CSMD1: variants seen among roughly 807,000 people sequenced by gnomAD.
CSMD1 encodes CUB and Sushi multiple domains 1, also known as CUB and sushi domain-containing protein 1.
In CSMD1, 213 loss-of-function variants were observed where a neutral mutation model predicts 417.5. The observed-to-expected ratio is 0.51, with a 90% confidence interval of 0.46 to 0.57. The LOEUF (loss-of-function observed/expected upper bound fraction) is 0.57, where lower values mean the gene tolerates loss of function less well. Ranked by LOEUF, CSMD1 falls within the 20% of genes least tolerant of loss-of-function variation. The pLI, the probability that CSMD1 is intolerant of heterozygous loss-of-function variation, is 0.00. For synonymous variants in CSMD1, 2,862 were observed against 1,736.8 expected (o/e 1.65, Z -16.11); for missense variants, 6,923 against 4,529.7 (o/e 1.53, Z -15.17).
intron 52 of CSMD1, among the ~76,000 whole-genome samples, chr8:3,013,817 T>C (rs764323683): frequency 1.3e-5 from 2 of 151,568 alleles, no homozygotes; most frequent in African/African-American, 4.9e-5. Flanking sequence ...CACAAATGCA[T>C]AGCAATTCCT....
At chr8:3,141,687 C>T (rs1052530613) in intron 41 of CSMD1, among the ~76,000 whole-genome samples, 1 of 152,152 alleles carries the variant, frequency 6.6e-6, no homozygotes, top group African/African-American at 2.4e-5. Context: ...GTTCTGCCAT[C>T]GCACTCGGGA....
chr8:4,340,322 A>C (rs1404711625), intron 3 of CSMD1, among the ~76,000 whole-genome samples: 9 of 152,040 alleles, frequency 5.9e-5, no homozygotes, highest in Admixed American at 5.9e-4. Context: ...CCAAACCCTT[A>C]CATTGGCTGG....
At chr8:4,597,459 T>C (rs151233079) in intron 2 of CSMD1, among the ~76,000 whole-genome samples, 178 of 152,290 alleles carry the variant, frequency 1.2e-3, no homozygotes, top group African/African-American at 4.1e-3. Context: ...ATGCTTTGAA[T>C]TGAGTTTCAT....
At chr8:4,519,299 A>C (rs916664942) in intron 2 of CSMD1, among the ~76,000 whole-genome samples, 1 of 152,198 alleles carries the variant, frequency 6.6e-6, no homozygotes, top group Non-Finnish European at 1.5e-5. Context: ...TAAATGGAAG[A>C]GTACCTAAAT....
intron 10 of CSMD1, among the ~76,000 whole-genome samples, chr8:3,511,537 T>C (rs1425961118): frequency 6.6e-5 from 10 of 151,526 alleles, no homozygotes; most frequent in African/African-American, 2.2e-4. Flanking sequence ...GGTAGATCAC[T>C]TGAGGTCAGG....
intron 5 of CSMD1, among the ~76,000 whole-genome samples, chr8:3,893,075 A>T (rs1056219889): frequency 2.6e-4 from 39 of 152,074 alleles, no homozygotes; most frequent in African/African-American, 9.4e-4. Flanking sequence ...TGCTGGAGAA[A>T]TGCTGGAATT....
chr8:4,697,494 T>A (rs1314089079), intron 1 of CSMD1, among the ~76,000 whole-genome samples: 2 of 152,192 alleles, frequency 1.3e-5, no homozygotes, highest in African/African-American at 4.8e-5. Context: ...AACATATTCC[T>A]TTGGCTTTAG....
At chr8:3,884,230 T>C (rs1008439914) in intron 5 of CSMD1, among the ~76,000 whole-genome samples, 5 of 152,222 alleles carry the variant, frequency 3.3e-5, no homozygotes, top group Non-Finnish European at 7.3e-5. Flanking sequence ...TCCATTATCC[T>C]TTGATACGCC....
intron 4 of CSMD1, among the ~76,000 whole-genome samples, chr8:4,019,764 T>C (rs1796698054): frequency 6.6e-6 from 1 of 152,146 alleles, no homozygotes; most frequent in Non-Finnish European, 1.5e-5. Flanking sequence ...AATATTTCTG[T>C]CCAAGTGGTG....
At chr8:4,713,825 T>C (rs1808469939) in intron 1 of CSMD1, among the ~76,000 whole-genome samples, 1 of 152,130 alleles carries the variant, frequency 6.6e-6, no homozygotes, top group Non-Finnish European at 1.5e-5. Context: ...CATGCTTTCT[T>C]CTGTCCTTTT....
chr8:3,529,974 CAT>C (rs1184659241), intron 10 of CSMD1, among the ~76,000 whole-genome samples: 3 of 152,058 alleles, frequency 2.0e-5, no homozygotes, highest in African/African-American at 4.8e-5. Flanking sequence ...AATGATGTGC[CAT>C]ATGTCATTTT....
chr8:3,468,668 T>A, intron 12 of CSMD1, 44 bp downstream of exon 12: 1 of 1,282,628 alleles, frequency 7.8e-7, no homozygotes, highest in Non-Finnish European at 1.1e-6. Context: ...TGCCCTCTCT[T>A]GGAATGCTAA....
intron 10 of CSMD1, among the ~76,000 whole-genome samples, chr8:3,528,769 A>G (rs528808958): frequency 6.6e-6 from 1 of 152,352 alleles, no homozygotes; most frequent in Admixed American, 6.5e-5. Context: ...ATTTCCTGCA[A>G]AACTGAAGGT....
intron 68 of CSMD1, among the ~76,000 whole-genome samples, chr8:2,945,409 T>C (rs1358290052): frequency 6.6e-6 from 1 of 152,222 alleles, no homozygotes; most frequent in African/African-American, 2.4e-5. Context: ...ACAGCATTTA[T>C]TTAGCCAGTC....
Position 4,034,650 on chromosome 8 carries a change from C to T in CSMD1, c.416-2551G>A, listed in dbSNP as rs937962072. On this transcript the variant is annotated intron_variant, in intron 3 of 69. Transcript: ENST00000635120. Reference sequence around the variant, plus strand: ...TCAAAGACACACGTTGTATAGCCACCGTAAATGTGAAGAGTGAGAAAGGGA... The same window carrying T: ...TCAAAGACACACGTTGTATAGCCACTGTAAATGTGAAGAGTGAGAAAGGGA... Among the ~76,000 whole-genome samples the T allele has an allele frequency of 1.1e-4, 17 of 151,972 alleles. 1 individual carries two copies. Among genetic ancestry groups the T allele is most frequent in the East Asian group, 9.7e-4 (5 of 5,170 alleles).
At chr8:4,510,417 A>AAAAAAAAAAAAAG (rs1802757327) in intron 2 of CSMD1, among the ~76,000 whole-genome samples, 7 of 110,166 alleles carry the variant, frequency 6.4e-5, no homozygotes, top group African/African-American at 1.9e-4. Context: ...AAAAAAAAAA[A>AAAAAAAAAAAAAG]AAAAAGCAAA....
Position 4,892,469 on chromosome 8 carries a change from C to T in CSMD1, c.85+101863G>A, listed in dbSNP as rs1804184308. 1.3e-5 allele frequency among the ~76,000 whole-genome samples: 2 copies of T among 152,100 alleles called. 1 individual carries two copies. The highest frequency in any genetic ancestry group is 4.8e-5 in the African/African-American group (2 of 41,366). ...AAAAAATAGGTTCATGTCTTTTAAT[C>T]ACGTTTTACTAACTGAAAAATATAG... On this transcript the variant is annotated intron_variant, in intron 1 of 69. Coordinates refer to ENST00000635120, the MANE Select transcript of CSMD1 (RefSeq NM_033225.6).
At chr8:4,343,586 AT>A (rs1800606382) in intron 3 of CSMD1, among the ~76,000 whole-genome samples, 1 of 152,130 alleles carries the variant, frequency 6.6e-6, no homozygotes, top group Non-Finnish European at 1.5e-5. Context: ...AATAAAGTAT[AT>A]TTTTATCTAA....
chr8:4,248,181 T>C (rs566678526), intron 3 of CSMD1, among the ~76,000 whole-genome samples: 1 of 152,332 alleles, frequency 6.6e-6, no homozygotes, highest in South Asian at 2.1e-4. Context: ...CTTGAAGCCC[T>C]GGAAATTTCA....
Sources: gnomAD v4.1 joint callset for allele counts (sites outside exome capture counted in the v4.1 genomes callset) on GRCh38, gnomAD v4.1.1 for gene constraint, MANE v1.5 for transcripts, NCBI Gene and HGNC (gene_info 2026-07-23, HGNC 2026-07-21) for gene names.